The following AP1M2 variants were observed in gnomAD, a reference collection of about 807,000 sequenced individuals.
AP1M2 encodes adaptor related protein complex 1 subunit mu 2, also known as AP-1 complex subunit mu-2.
Under a neutral mutation model 54.6 loss-of-function variants are expected in AP1M2, and 41 were observed. That is an observed-to-expected ratio of 0.75 (90% CI 0.59 to 0.97). The LOEUF is 0.97. Ranked by LOEUF, AP1M2 falls within the 50% of genes least tolerant of loss-of-function variation. The probability of loss-of-function intolerance (pLI) is 0.00; values close to 1 mark genes in which losing one functional copy is unlikely to be tolerated. For missense variants in AP1M2, 507 were observed against 561.2 expected, an observed-to-expected ratio of 0.90 and a Z score of 0.98; for synonymous variants, 219 against 215.9, an observed-to-expected ratio of 1.01 and a Z score of -0.13.
intron 6 of AP1M2, 93 bp from the exon 7 acceptor site, chr19:10,579,951 A>C: frequency 1.5e-6 from 2 of 1,296,162 alleles, no homozygotes; most frequent in Non-Finnish European, 2.1e-6. Flanking sequence ...CACCTATTTC[A>C]CATATGGGGA....
rs1305617917 is a variant in AP1M2, at chr19:10,581,610, C to T, written c.423G>A (p.Lys141=). Residue 141 remains lysine (K), a synonymous_variant, in exon 5 of 12, where the codon AAG becomes AAA. Coordinates refer to ENST00000250244, the MANE Select transcript of AP1M2 (RefSeq NM_005498.5). ...LQEYITQQSN[K]LETGKSRVPP... Reference sequence around the variant, plus strand: ...GCACCCGTGACTTGCCCGTCTCCAGCTTGTTGCTCTGCTGAGTGATGTACC... The same window carrying T: ...GCACCCGTGACTTGCCCGTCTCCAGTTTGTTGCTCTGCTGAGTGATGTACC... The T allele has an allele frequency of 6.2e-7, 1 of 1,613,942 alleles. No homozygotes were observed. Among genetic ancestry groups the T allele is most frequent in the Non-Finnish European group, 8.5e-7 (1 of 1,179,950 alleles).
intron 9 of AP1M2, 71 bp from the exon 10 acceptor site, chr19:10,575,100 C>G (rs1917189673): frequency 1.3e-5 from 18 of 1,400,380 alleles, no homozygotes; most frequent in Non-Finnish European, 1.7e-5. Context: ...TTCAGCAACC[C>G]CTGGAGTCAG....
intron 9 of AP1M2, among the ~76,000 whole-genome samples, chr19:10,576,449 A>G (rs1444667732): frequency 2.6e-5 from 4 of 151,552 alleles, no homozygotes; most frequent in Non-Finnish European, 4.4e-5. Context: ...TTTTTAGTAG[A>G]GATGGGGTTT....
intron 8 of AP1M2, 116 bp from the exon 9 acceptor site, chr19:10,577,472 C>G: frequency 9.0e-7 from 1 of 1,113,844 alleles, no homozygotes; most frequent in South Asian, 1.7e-5. Context: ...CTCACTCTGT[C>G]GCCCAGGCTG....
chr19:10,579,011 T>A, intron 7 of AP1M2, 48 bp from the exon 8 acceptor site: 26 of 1,048,774 alleles, frequency 2.5e-5, no homozygotes, highest in Non-Finnish European at 3.3e-5. Flanking sequence ...ATGTTGACTC[T>A]CTTCTTTTTT....
At chr19:10,574,705 G>C (rs1917168191) in intron 10 of AP1M2, among the ~76,000 whole-genome samples, 199 bp downstream of exon 10, 1 of 152,220 alleles carries the variant, frequency 6.6e-6, no homozygotes, top group Non-Finnish European at 1.5e-5. Flanking sequence ...AAGCCGGTGG[G>C]GAACAAGGTG....
intron 10 of AP1M2, among the ~76,000 whole-genome samples, 192 bp from the exon 11 acceptor site, chr19:10,574,684 C>A (rs988602608): frequency 2.0e-5 from 3 of 152,016 alleles, no homozygotes; most frequent in Non-Finnish European, 4.4e-5. Context: ...GGAGAAGGGA[C>A]AGAAGTGAAC....
chr19:10,579,855 C>T lies in AP1M2; in HGVS notation c.677G>A (p.Ser226Asn). Residue 226 changes from serine (S) to asparagine (N), a missense_variant, in exon 7 of 12, where the codon AGC (serine) becomes AAC (asparagine). By Grantham distance (46) the Ser-to-Asn change is conservative. Transcript: ENST00000250244. The part of the protein sequence containing the change: ...DRVLFELTGR[S>N]KNKSVELEDV... The stretch of plus-strand genomic sequence containing the variant: ...CTCCAGCTCTACTGATTTGTTCTTG[C>T]TGCCTGAAACTCAGAGTGGAGAGTG... 1.9e-6 allele frequency: 3 copies of T among 1,607,120 alleles called. No homozygotes were observed. The highest frequency in any genetic ancestry group is 2.6e-6 in the Non-Finnish European group (3 of 1,176,304).
At chr19:10,587,111 C>G (rs1176730436) in intron 1 of AP1M2, 79 bp downstream of exon 1, 2 of 1,493,784 alleles carry the variant, frequency 1.3e-6, no homozygotes, top group African/African-American at 1.4e-5. Context: ...CTTCCTGGCC[C>G]GCGCGGAGGG....
Position 10,574,961 on chromosome 19 carries a change from GCCCTCCA to G in AP1M2, c.1109_1115del (p.Val370AlafsTer24). 1 of 1,588,746 alleles carries G rather than the reference GCCCTCCA, an allele frequency of 6.3e-7. No individual in the cohort carries two copies. The highest frequency in any genetic ancestry group is 8.6e-7 in the Non-Finnish European group (1 of 1,166,188). The stretch of plus-strand genomic sequence containing the variant: ...CAAACTTGACCCCGATGGGGGGCCG[GCCCTCCA>G]CCTCTTCCTTTTCCACACTGGGGAG... On this transcript the variant is annotated frameshift_variant, in exon 10 of 12. Transcript: ENST00000250244. LOFTEE classifies it high-confidence loss of function.
At position 10,581,295 on chromosome 19, in the gene AP1M2, T is replaced by C. The variant is rs777592017; in HGVS notation, c.644A>G (p.Asn215Ser). Residue 215 changes from asparagine to serine, a missense_variant, in exon 6 of 12, where the codon AAT (asparagine) becomes AGT (serine). Transcript: ENST00000250244. ...SGMPELRLGL[N>S]DRVLFELTGR... ...AGTGAGCTCGAAGAGCACGCGGTCA[T>C]TGAGGCCCAGCCGCAGCTCTGGCAT... is the stretch of plus-strand genomic sequence containing the variant. 9.9e-6 allele frequency: 16 copies of C among 1,613,672 alleles called. No individual in the cohort carries two copies. In the African/African-American group the frequency reaches 1.5e-4, roughly 15 times the overall value.
At chr19:10,578,260 G>A (rs73496558) in intron 8 of AP1M2, among the ~76,000 whole-genome samples, 264 of 152,272 alleles carry the variant, frequency 1.7e-3, no homozygotes, top group African/African-American at 6.2e-3. Context: ...TGGGCTGAGA[G>A]GGCATATGAA....
intron 3 of AP1M2, among the ~76,000 whole-genome samples, chr19:10,583,275 G>A (rs1917522587): frequency 6.6e-6 from 1 of 151,978 alleles, no homozygotes; most frequent in African/African-American, 2.4e-5. Context: ...TGTCCTTTAG[G>A]GAGAGATGAC....
intron 1 of AP1M2, among the ~76,000 whole-genome samples, chr19:10,586,465 A>AG (rs1469142851): frequency 6.6e-6 from 1 of 151,282 alleles, no homozygotes; most frequent in Non-Finnish European, 1.5e-5. Flanking sequence ...AAAAAAAAAA[A>AG]AAAAAAAAAT....
chr19:10,574,526 G>A lies in AP1M2; in HGVS notation c.1174-34C>T, dbSNP rs374233021. On this transcript the variant is annotated intron_variant, in intron 10 of 11. Transcript: ENST00000250244. Reference sequence around the variant, plus strand: ...GAATGAAAAGAGGTGGTCCAGGATTGCAGGAGGGAGGAGGCCAGGGCCAGG... The same window carrying A: ...GAATGAAAAGAGGTGGTCCAGGATTACAGGAGGGAGGAGGCCAGGGCCAGG... 14 of 1,529,534 alleles carry A rather than the reference G, an allele frequency of 9.2e-6. No individual in the cohort carries two copies. The African/African-American group carries it at 1.9e-4, about 21-fold the overall frequency. The allele number at this position is 1,529,534 out of a possible 1,614,324, so 94.7% of individuals were successfully genotyped here.
chr19:10,577,067 C>T, intron 9 of AP1M2, 131 bp downstream of exon 9: 1 of 1,020,644 alleles, frequency 9.8e-7, no homozygotes, highest in South Asian at 1.5e-5. Context: ...TACTGGCATT[C>T]CAGTCATGAG....
At position 10,586,930 on chromosome 19, in the gene AP1M2, C is replaced by T. The variant is rs118182772; in HGVS notation, c.42+260G>A. On this transcript the variant is annotated intron_variant, in intron 1 of 11. Coordinates refer to ENST00000250244, the MANE Select transcript of AP1M2 (RefSeq NM_005498.5). Reference sequence around the variant, plus strand: ...AGGCCACTATGCTAAGTAGTTTACACGCAGCGAGTTGTATTAATTCTCATT... The same window carrying T: ...AGGCCACTATGCTAAGTAGTTTACATGCAGCGAGTTGTATTAATTCTCATT... 6.4e-3 allele frequency among the ~76,000 whole-genome samples: 977 copies of T among 152,278 alleles called. 9 individuals are homozygous for T. Among genetic ancestry groups the T allele is most frequent in the Admixed American group, 0.011 (173 of 15,284 alleles).
chr19:10,585,842 G>A (rs1599555878), intron 1 of AP1M2, among the ~76,000 whole-genome samples: 2 of 152,134 alleles, frequency 1.3e-5, no homozygotes, highest in South Asian at 4.2e-4. Flanking sequence ...GCTATTAAAT[G>A]ACAAGACAGG....
chr19:10,580,044 GTTTTTTTTTTTT>G (rs59349358), intron 6 of AP1M2, among the ~76,000 whole-genome samples, 186 bp from the exon 7 acceptor site: 1 of 71,192 alleles, frequency 1.4e-5, no homozygotes, highest in Non-Finnish European at 2.6e-5. Flanking sequence ...ATCTGGCTTG[GTTTTTTTTTTTT>G]TTTTTTTTTT....
Sources: allele counts gnomAD v4.1 joint callset (sites outside exome capture counted in the v4.1 genomes callset), GRCh38; gene constraint gnomAD v4.1.1; transcripts MANE v1.5; gene names NCBI Gene and HGNC (gene_info 2026-07-23, HGNC 2026-07-21).